The following LDHA variants were observed in gnomAD, a reference collection of about 807,000 sequenced individuals.
LDHA encodes lactate dehydrogenase A, also known as L-lactate dehydrogenase A chain.
Under a neutral mutation model 36.3 loss-of-function variants are expected in LDHA, and 10 were observed. The observed-to-expected ratio is 0.28, with a 90% CI of 0.17 to 0.47. The LOEUF (loss-of-function observed/expected upper bound fraction) is 0.47. Ranked by LOEUF, LDHA falls within the 20% of genes least tolerant of loss-of-function variation. The pLI is 0.99. For synonymous variants in LDHA, 110 were observed against 136.7 expected (o/e 0.80, Z 1.36); for missense variants, 267 against 405.8 (o/e 0.66, Z 2.94).
chr11:18,398,633 A>C, intron 2 of LDHA: 1 of 50,160 alleles, frequency 2.0e-5, no homozygotes, highest in African/African-American at 7.2e-5. Context: ...TTTTTTTCTG[A>C]GAAGGAGTCT....
intron 7 of LDHA, among the ~76,000 whole-genome samples, chr11:18,406,229 G>A (rs989457370): frequency 6.6e-6 from 1 of 152,038 alleles, no homozygotes; most frequent in South Asian, 2.1e-4. Flanking sequence ...CTCCCCGAAT[G>A]CTGGGATTGC....
chr11:18,399,849 C>T (rs1866419478), intron 3 of LDHA: 2 of 353,994 alleles, frequency 5.6e-6, no homozygotes, highest in Admixed American at 4.0e-5. Flanking sequence ...CCCTCCTTAG[C>T]CTTCCGAAGT....
intron 3 of LDHA, 184 bp from the exon 4 acceptor site, chr11:18,400,653 A>G: frequency 1.5e-6 from 1 of 677,428 alleles, no homozygotes. Context: ...TAGTTACATA[A>G]AGTTACAACT....
intron 2 of LDHA, chr11:18,399,035 T>G (rs1163893398): frequency 4.1e-6 from 1 of 242,280 alleles, no homozygotes; most frequent in Admixed American, 5.2e-5. Context: ...ATTTCAAGTC[T>G]TGATGCTGGT....
intron 2 of LDHA, among the ~76,000 whole-genome samples, chr11:18,397,886 G>A (rs953524931): frequency 2.6e-5 from 4 of 152,098 alleles, no homozygotes; most frequent in East Asian, 1.9e-4. Flanking sequence ...AAATAGAAAT[G>A]GATTCAAGTG....
chr11:18,400,393 G>A (rs1866437236), intron 3 of LDHA: 1 of 278,744 alleles, frequency 3.6e-6, no homozygotes, highest in Non-Finnish European at 7.0e-6. Context: ...GTGTAAAGCT[G>A]TCTCTGCTTA....
rs529132703 is a variant in LDHA at position 18,401,601 on chromosome 11, C to A, written c.418+591C>A. Among the ~76,000 whole-genome samples the A allele has an allele frequency of 2.8e-4, 42 of 150,918 alleles. 1 individual carries two copies. The highest frequency in any genetic ancestry group is 2.6e-3 in the Admixed American group (39 of 15,094). The stretch of plus-strand genomic sequence containing the variant: ...CATGCCATTCTCCTGCCTCAGCCTC[C>A]CGAGTAGCTGGGACTACAGGTGCCC... On this transcript the variant is annotated intron_variant, in intron 4 of 7. Coordinates refer to ENST00000422447, the MANE Select transcript of LDHA (RefSeq NM_005566.4).
intron 2 of LDHA, among the ~76,000 whole-genome samples, chr11:18,398,163 T>A (rs571651547): frequency 1.5e-4 from 23 of 152,216 alleles, no homozygotes; most frequent in Non-Finnish European, 2.8e-4. Context: ...TGAATAACTT[T>A]TGGTAACGAT....
intron 1 of LDHA, chr11:18,395,361 T>A (rs1333469537): frequency 6.5e-6 from 1 of 152,916 alleles, no homozygotes; most frequent in East Asian, 1.9e-4. Context: ...GATCTCTAAG[T>A]TCCCAGTGAG....
Position 18,407,576 on chromosome 11 carries a change from C to G in LDHA, c.*295C>G, listed in dbSNP as rs1866741027. On this transcript the variant is annotated 3_prime_UTR_variant, in exon 8 of 8. Transcript: ENST00000422447. ...GTACGTACTGCATTTGCCCCTTGAG[C>G]CAGGTGGATGTTTACCGTGTGTTAT... The G allele has an allele frequency of 1.4e-6, 1 of 691,314 alleles. No individual in the cohort carries two copies. The highest frequency in any genetic ancestry group is 2.6e-6 in the Non-Finnish European group (1 of 381,304). 42.8% of individuals were successfully genotyped at this position (691,314 alleles called of 1,614,324 possible). A position where few individuals can be genotyped will look rare whatever the true frequency, so the allele number is the denominator to read the frequency against.
At position 18,401,955 on chromosome 11, in the gene LDHA, C is replaced by CTCTCT. The variant is rs59534512; in HGVS notation, c.419-884_419-883insCTCTT. Reference sequence around the variant, plus strand: ...TAAGTTTGTGAATAATTGTTATTCTCTTTTTTTTTTTTTTTTTTTTTGAGA... The same window carrying CTCTCT: ...TAAGTTTGTGAATAATTGTTATTCTCTCTCTTTTTTTTTTTTTTTTTTTTTTGAGA... On this transcript the variant is annotated intron_variant, in intron 4 of 7. Transcript: ENST00000422447. 5.2e-3 allele frequency among the ~76,000 whole-genome samples: 274 copies of CTCTCT among 52,268 alleles called. 13 individuals carry two copies. The highest frequency in any genetic ancestry group is 0.015 in the African/African-American group (240 of 16,412). The allele number at this position is 52,268 out of a possible 152,430, so 34.3% of individuals were successfully genotyped here. A position where few individuals can be genotyped will look rare whatever the true frequency, so the allele number is the denominator to read the frequency against.
At chr11:18,396,384 T>C (rs1590211258) in intron 1 of LDHA, 1 of 401,880 alleles carries the variant, frequency 2.5e-6, no homozygotes, top group Non-Finnish European at 4.4e-6. Flanking sequence ...CACCGCAGGC[T>C]CCTGTGCCTT....
rs58157049 is a variant in LDHA, at chr11:18,401,473, C to CTTTTTTTTTTTTTTTTTTTTTTTTTT, written c.418+485_418+486insTTTTTTTTTTTTTTTTTTTTTTTTTT. Among the ~76,000 whole-genome samples, 8 of 68,588 alleles carry CTTTTTTTTTTTTTTTTTTTTTTTTTT rather than the reference C, an allele frequency of 1.2e-4. 1 individual carries two copies. The highest frequency in any genetic ancestry group is 1.8e-4 in the Non-Finnish European group (7 of 39,194). 45.0% of individuals were successfully genotyped at this position (68,588 alleles called of 152,430 possible). A position where few individuals can be genotyped will look rare whatever the true frequency, so the allele number is the denominator to read the frequency against. On this transcript the variant is annotated intron_variant, in intron 4 of 7. Transcript: ENST00000422447. ...CATATTTATTGATTCATTTATTTTT[C>CTTTTTTTTTTTTTTTTTTTTTTTTTT]TTTTTTTTTTTTTTTTTTTTTTGAG...
intron 5 of LDHA, 63 bp from the exon 6 acceptor site, chr11:18,403,631 T>C: frequency 6.6e-6 from 7 of 1,056,006 alleles, no homozygotes; most frequent in Non-Finnish European, 1.0e-5. Flanking sequence ...ATTAGGAAAA[T>C]GAATCACAAT....
In LDHA at chr11:18,405,509, A is replaced by T; in HGVS notation, c.771A>T (p.Ala257=). The T allele has an allele frequency of 6.2e-7, 1 of 1,613,862 alleles. No homozygotes were observed. Among genetic ancestry groups the T allele is most frequent in the Non-Finnish European group, 8.5e-7 (1 of 1,179,774 alleles). Residue 257 remains alanine (A), a synonymous_variant, in exon 7 of 8, where the codon GCA becomes GCT. Transcript: ENST00000422447. ...YTSWAIGLSV[A]DLAESIMKNL... is the part of the protein sequence containing the mutation. ...CCTGGGCTATTGGACTCTCTGTAGC[A>T]GATTTGGCAGAGAGTATAATGAAGA...
intron 7 of LDHA, 83 bp from the exon 8 acceptor site, chr11:18,407,034 T>C (rs1234696251): frequency 1.8e-6 from 2 of 1,094,578 alleles, no homozygotes; most frequent in African/African-American, 3.2e-5. Flanking sequence ...AAAAGCTTTA[T>C]AATTATAGAG....
intron 1 of LDHA, among the ~76,000 whole-genome samples, chr11:18,395,864 T>C (rs1866274083): frequency 6.6e-6 from 1 of 152,256 alleles, no homozygotes; most frequent in African/African-American, 2.4e-5. Context: ...TTCTTCATAC[T>C]GGGCCTGACA....
At chr11:18,401,955 C>CTCTTTTTTTTTTT (rs59534512) in intron 4 of LDHA, among the ~76,000 whole-genome samples, 19 of 52,266 alleles carry the variant, frequency 3.6e-4, no homozygotes, top group Admixed American at 1.2e-3. Context: ...TTGTTATTCT[C>CTCTTTTTTTTTTT]TTTTTTTTTT....
chr11:18,404,166 T>G (rs1321376834), intron 6 of LDHA, among the ~76,000 whole-genome samples: 9 of 152,094 alleles, frequency 5.9e-5, no homozygotes, highest in Admixed American at 5.9e-4. Flanking sequence ...TGCCTCACCT[T>G]GCAAGGCCCA....
Sources: allele counts gnomAD v4.1 joint callset (sites outside exome capture counted in the v4.1 genomes callset), GRCh38; gene constraint gnomAD v4.1.1; transcripts MANE v1.5; gene names NCBI Gene and HGNC (gene_info 2026-07-23, HGNC 2026-07-21).